The following DACH2 variants were observed in gnomAD, a reference collection of about 807,000 sequenced individuals.
DACH2 encodes dachshund homolog 2.
In DACH2, 17 loss-of-function variants were observed where a neutral mutation model predicts 35.8. That is an observed-to-expected ratio of 0.48 (90% CI 0.33 to 0.71). The LOEUF is 0.71. Among genes scored for constraint, DACH2 ranks in the 30% least tolerant of loss-of-function variants. The pLI is 0.02. For synonymous variants in DACH2, 195 were observed against 177.3 expected (o/e 1.10, Z -0.79); for missense variants, 469 against 472.7 (o/e 0.99, Z 0.07).
In DACH2 at chrX:86,252,153, G is replaced by C. The variant is rs1165093752; in HGVS notation, c.488+103045G>C. On this transcript the variant is annotated intron_variant, in intron 1 of 11. Transcript: ENST00000373125. ...ATTTGTATATCTTCTTTTGAGAACT[G>C]TCTATGCATACCCTTAGCCCTCTTT... is the stretch of plus-strand genomic sequence containing the variant. 3.6e-5 allele frequency among the ~76,000 whole-genome samples: 4 copies of C among 110,599 alleles called. No homozygotes were observed. The Admixed American group carries it at 3.9e-4, about 11-fold the overall frequency.
At chrX:86,616,707 A>G (rs974955983) in intron 3 of DACH2, among the ~76,000 whole-genome samples, 4 of 111,755 alleles carry the variant, frequency 3.6e-5, no homozygotes, top group Non-Finnish European at 7.5e-5. Context: ...TTCTCATTCT[A>G]TAGGATGCCT....
chrX:86,701,049 A>G (rs1233493192), intron 5 of DACH2, among the ~76,000 whole-genome samples: 1 of 111,659 alleles, frequency 9.0e-6, no homozygotes, highest in African/African-American at 3.3e-5. Flanking sequence ...CACCAAAACC[A>G]GTAAAAGGTA....
At chrX:86,450,703 C>A (rs939737097) in intron 2 of DACH2, among the ~76,000 whole-genome samples, 6 of 109,176 alleles carry the variant, frequency 5.5e-5, no homozygotes, top group Admixed American at 4.9e-4. Flanking sequence ...TAAAAGGGTT[C>A]CTTTTCCTTC....
chrX:86,634,570 A>G (rs1364449181), intron 3 of DACH2, among the ~76,000 whole-genome samples: 1 of 111,446 alleles, frequency 9.0e-6, no homozygotes, highest in South Asian at 3.8e-4. Flanking sequence ...CCACCAAAAA[A>G]CTCAGATTTC....
intron 2 of DACH2, among the ~76,000 whole-genome samples, chrX:86,461,307 T>C (rs1479921581): frequency 2.7e-5 from 3 of 111,658 alleles, no homozygotes; most frequent in Non-Finnish European, 5.7e-5. Flanking sequence ...AATTATTCTT[T>C]AGTGAATAAA....
intron 3 of DACH2, among the ~76,000 whole-genome samples, chrX:86,517,339 T>C (rs2038483973): frequency 9.0e-6 from 1 of 111,704 alleles, no homozygotes; most frequent in Admixed American, 9.6e-5. Context: ...TGATCAGTGA[T>C]ATTTAGCTTT....
rs373797842 is a variant in DACH2 at position 86,303,105 on chromosome X, G to A, written c.489-73719G>A. ...GTGGGATTCAAACGCAGACATTGTGGCCCCATAGTCCATGTTCTTAAACCA... is the reference window on the plus strand; with the variant it reads ...GTGGGATTCAAACGCAGACATTGTGACCCCATAGTCCATGTTCTTAAACCA... On this transcript the variant is annotated intron_variant, in intron 1 of 11. Transcript: ENST00000373125. 8.1e-4 allele frequency among the ~76,000 whole-genome samples: 83 copies of A among 103,005 alleles called. No homozygotes were observed. In the Middle Eastern group the frequency reaches 0.014, roughly 17 times the overall value. The allele number at this position is 103,005 out of a possible 115,157, so 89.4% of individuals were successfully genotyped here.
chrX:86,512,936 A>C, intron 2 of DACH2: 1 of 328,192 alleles, frequency 3.0e-6, no homozygotes, highest in Non-Finnish European at 5.9e-6. Context: ...AGGAGAGGAG[A>C]GTCCATTTAT....
chrX:86,517,421 T>TC (rs2038485311), intron 3 of DACH2, among the ~76,000 whole-genome samples: 2 of 107,398 alleles, frequency 1.9e-5, no homozygotes, highest in Non-Finnish European at 3.9e-5. Context: ...TGCCCACTTT[T>TC]TTTTTTTTTT....
chrX:86,181,533 G>A (rs1187229741), intron 1 of DACH2, among the ~76,000 whole-genome samples: 1 of 111,550 alleles, frequency 9.0e-6, no homozygotes, highest in Non-Finnish European at 1.9e-5. Context: ...TTTTATGGCT[G>A]CATAGTATTC....
chrX:86,624,527 T>A (rs1272687489), intron 3 of DACH2, among the ~76,000 whole-genome samples: 3 of 111,913 alleles, frequency 2.7e-5, no homozygotes, highest in Non-Finnish European at 5.6e-5. Flanking sequence ...ATAGATCACC[T>A]GGAAATTATA....
intron 2 of DACH2, among the ~76,000 whole-genome samples, chrX:86,415,509 C>T (rs751349821): frequency 1.8e-5 from 2 of 112,125 alleles, no homozygotes; most frequent in South Asian, 7.4e-4. Context: ...TTTTCAACAA[C>T]AGGCCATCAC....
chrX:86,702,989 T>C (rs2041161435), intron 5 of DACH2, among the ~76,000 whole-genome samples: 1 of 110,492 alleles, frequency 9.1e-6, no homozygotes, highest in South Asian at 3.8e-4. Flanking sequence ...CAGACCAATA[T>C]CCCTGATGAA....
At chrX:86,233,943 T>C (rs987259875) in intron 1 of DACH2, among the ~76,000 whole-genome samples, 1 of 111,541 alleles carries the variant, frequency 9.0e-6, no homozygotes, top group Non-Finnish European at 1.9e-5. Flanking sequence ...ACGTGAGAAT[T>C]ATGGGAGTAC....
At chrX:86,579,923 C>T (rs2039481511) in intron 3 of DACH2, among the ~76,000 whole-genome samples, 1 of 112,071 alleles carries the variant, frequency 8.9e-6, no homozygotes, top group Non-Finnish European at 1.9e-5. Context: ...TGCAAGTGAG[C>T]ACAGATTATA....
At chrX:86,677,992 T>C (rs1372506615) in intron 4 of DACH2, among the ~76,000 whole-genome samples, 1 of 112,412 alleles carries the variant, frequency 8.9e-6, no homozygotes. Flanking sequence ...ATGCCACCTC[T>C]GGCAGATGGC....
At chrX:86,763,068 C>T (rs1274041249) in intron 7 of DACH2, among the ~76,000 whole-genome samples, 1 of 111,399 alleles carries the variant, frequency 9.0e-6, no homozygotes, top group African/African-American at 3.3e-5. Context: ...ACGTTGCTTT[C>T]TGTGCCTGGC....
intron 2 of DACH2, among the ~76,000 whole-genome samples, chrX:86,443,192 C>T (rs1011808996): frequency 1.3e-4 from 14 of 111,616 alleles, no homozygotes; most frequent in Admixed American, 3.8e-4. Context: ...AATCCATAAT[C>T]GCAGAATATT....
intron 5 of DACH2, among the ~76,000 whole-genome samples, chrX:86,695,482 A>G (rs1041679994): frequency 1.8e-5 from 2 of 108,797 alleles, no homozygotes; most frequent in African/African-American, 6.7e-5. Context: ...AAAGTCACAC[A>G]AACTTGTGTT....
Sources: gnomAD v4.1 joint callset for allele counts (sites outside exome capture counted in the v4.1 genomes callset) on GRCh38, gnomAD v4.1.1 for gene constraint, MANE v1.5 for transcripts, NCBI Gene and HGNC (gene_info 2026-07-23, HGNC 2026-07-21) for gene names.